The following TTLL7 variants were observed in gnomAD, a reference collection of about 807,000 sequenced individuals.
The protein encoded by TTLL7 is tubulin polyglutamylase TTLL7.
In TTLL7, 53 loss-of-function variants were observed where a neutral mutation model predicts 120.2. The ratio of observed to expected loss-of-function variants is 0.44; its 90% CI spans 0.35 to 0.55. The LOEUF (loss-of-function observed/expected upper bound fraction) is 0.55, where lower values mean the gene tolerates loss of function less well. TTLL7 is among the 20% of genes least tolerant of loss of function. The probability of loss-of-function intolerance (pLI) is 0.00; values close to 1 mark genes in which losing one functional copy is unlikely to be tolerated. For missense variants in TTLL7, 803 were observed against 1,054.7 expected (o/e 0.76, Z 3.31); for synonymous variants, 353 against 351.7 (o/e 1.00, Z -0.04).
intron 7 of TTLL7, 151 bp from the exon 8 acceptor site, chr1:83,938,167 A>C (rs1647597250): frequency 1.5e-6 from 1 of 668,006 alleles, no homozygotes; most frequent in Non-Finnish European, 2.6e-6. Flanking sequence ...ATAATATCCC[A>C]ATTAAATGGA....
intron 1 of TTLL7, among the ~76,000 whole-genome samples, chr1:83,956,221 A>T (rs1377737080): frequency 6.6e-6 from 1 of 152,018 alleles, no homozygotes; most frequent in East Asian, 1.9e-4. Flanking sequence ...CCTCCCAAGT[A>T]GCTGGGACTA....
chr1:83,960,123 G>A (rs943086472), intron 1 of TTLL7, among the ~76,000 whole-genome samples: 1 of 152,110 alleles, frequency 6.6e-6, no homozygotes, highest in Non-Finnish European at 1.5e-5. Flanking sequence ...ATAAGAGGTA[G>A]AAATGAAATA....
intron 1 of TTLL7, among the ~76,000 whole-genome samples, chr1:83,995,817 A>G (rs1455172653): frequency 6.6e-6 from 1 of 152,216 alleles, no homozygotes; most frequent in Non-Finnish European, 1.5e-5. Context: ...TGTTCATCAC[A>G]GTGCTATTAT....
At chr1:83,925,538 TAAG>T (rs1659038981) in intron 10 of TTLL7, among the ~76,000 whole-genome samples, 1 of 152,154 alleles carries the variant, frequency 6.6e-6, no homozygotes, top group Non-Finnish European at 1.5e-5. Context: ...AGGAGAAAGA[TAAG>T]AAGTTTTCAG....
intron 1 of TTLL7, among the ~76,000 whole-genome samples, chr1:83,996,000 A>G (rs1350247183): frequency 1.3e-5 from 2 of 152,164 alleles, no homozygotes; most frequent in Admixed American, 6.5e-5. Flanking sequence ...AAAGTTATAG[A>G]ATTTTAAATT....
intron 18 of TTLL7, among the ~76,000 whole-genome samples, chr1:83,892,603 CAT>C (rs1287864077): frequency 7.5e-6 from 1 of 133,274 alleles, no homozygotes; most frequent in South Asian, 2.4e-4. Context: ...TATGAATGAA[CAT>C]ATATATGAAC....
At chr1:83,950,377 T>A (rs756130299) in intron 3 of TTLL7, among the ~76,000 whole-genome samples, 6 of 152,136 alleles carry the variant, frequency 3.9e-5, no homozygotes, top group Non-Finnish European at 8.8e-5. Context: ...AGTAAAAATA[T>A]CCCCTGATCA....
intron 19 of TTLL7, chr1:83,890,096 C>T (rs1394686611): frequency 1.0e-5 from 6 of 589,026 alleles, no homozygotes; most frequent in Non-Finnish European, 1.5e-5. Context: ...ATTAGGACTA[C>T]CTTCTCTCCA....
chr1:83,921,450 C>T, intron 10 of TTLL7, 56 bp from the exon 11 acceptor site: 2 of 1,575,134 alleles, frequency 1.3e-6, no homozygotes, highest in South Asian at 2.3e-5. Flanking sequence ...CTGATCTTAT[C>T]CCTGTGAGGA....
intron 1 of TTLL7, among the ~76,000 whole-genome samples, chr1:83,989,906 C>A (rs1210810714): frequency 6.6e-6 from 1 of 151,862 alleles, no homozygotes; most frequent in Non-Finnish European, 1.5e-5. Context: ...TATTCTTAGG[C>A]TTTGGTTGTT....
intron 7 of TTLL7, among the ~76,000 whole-genome samples, chr1:83,939,095 C>T (rs1032414503): frequency 6.6e-6 from 1 of 152,104 alleles, no homozygotes; most frequent in East Asian, 1.9e-4. Context: ...CACCTATCTG[C>T]AGCAATCTCC....
chr1:83,896,213 T>C (rs1053772524), intron 18 of TTLL7, among the ~76,000 whole-genome samples: 2 of 152,074 alleles, frequency 1.3e-5, no homozygotes, highest in Non-Finnish European at 2.9e-5. Flanking sequence ...GGCTAATTTA[T>C]AGAATATAGG....
chr1:83,895,739 C>T (rs561741330), intron 18 of TTLL7, among the ~76,000 whole-genome samples: 12 of 152,090 alleles, frequency 7.9e-5, no homozygotes, highest in South Asian at 2.1e-4. Context: ...TCCAGACCTA[C>T]GCTCTTAACT....
rs77058700 is a variant in TTLL7, at chr1:83,958,961, T to G, written c.-176-6574A>C. On this transcript the variant is annotated intron_variant, in intron 1 of 20. Coordinates refer to ENST00000260505, the MANE Select transcript of TTLL7 (RefSeq NM_024686.6). Reference sequence around the variant, plus strand: ...CAAGGCTCTGGATGACCACAATGTTTATCATTATGCAGATACAAATTTTTG... The same window carrying G: ...CAAGGCTCTGGATGACCACAATGTTGATCATTATGCAGATACAAATTTTTG... Among the ~76,000 whole-genome samples the G allele has an allele frequency of 6.8e-3, 1,033 of 152,328 alleles. 35 individuals carry two copies. Among genetic ancestry groups the G allele is most frequent in the East Asian group, 0.059 (308 of 5,188 alleles).
chr1:83,972,937 G>A (rs916175773), intron 1 of TTLL7, among the ~76,000 whole-genome samples: 1 of 151,970 alleles, frequency 6.6e-6, no homozygotes, highest in Non-Finnish European at 1.5e-5. Context: ...TTATTGTTGA[G>A]TTTTAAGAGT....
At chr1:83,879,912 CAAG>C (rs903480080) in intron 20 of TTLL7, 28 of 151,956 alleles carry the variant, frequency 1.8e-4, no homozygotes, top group Non-Finnish European at 3.8e-4. Context: ...CCAACGTAAC[CAAG>C]AAGACTCGTC....
chr1:83,887,587 C>G (rs991422095), intron 19 of TTLL7, among the ~76,000 whole-genome samples: 18 of 152,194 alleles, frequency 1.2e-4, no homozygotes, highest in African/African-American at 4.3e-4. Context: ...GGAGTCAAAT[C>G]GGTCTCAAAA....
At chr1:83,941,346 A>G (rs1312994227) in intron 7 of TTLL7, among the ~76,000 whole-genome samples, 1 of 152,162 alleles carries the variant, frequency 6.6e-6, no homozygotes. Flanking sequence ...TGTTTTTCCA[A>G]AACTAGCACA....
At chr1:83,900,648 T>C (rs1656641116) in intron 18 of TTLL7, among the ~76,000 whole-genome samples, 1 of 151,940 alleles carries the variant, frequency 6.6e-6, no homozygotes, top group African/African-American at 2.4e-5. Flanking sequence ...GCCCTTTCCA[T>C]GGAGATGCCT....
Sources: gnomAD v4.1 joint callset for allele counts (sites outside exome capture counted in the v4.1 genomes callset) on GRCh38, gnomAD v4.1.1 for gene constraint, MANE v1.5 for transcripts, NCBI Gene and HGNC (gene_info 2026-07-23, HGNC 2026-07-21) for gene names.